STRAP: variants seen among roughly 807,000 people sequenced by gnomAD.
The protein encoded by STRAP is serine/threonine kinase receptor associated protein.
In STRAP, 16 loss-of-function variants were observed where a neutral mutation model predicts 47.0. The observed-to-expected ratio is 0.34, with a 90% CI of 0.23 to 0.52. The LOEUF (loss-of-function observed/expected upper bound fraction) is 0.52. Ranked by LOEUF, STRAP falls within the 20% of genes least tolerant of loss-of-function variation. The pLI is 0.96. For missense variants in STRAP, 293 were observed against 420.0 expected (o/e 0.70, Z 2.64); for synonymous variants, 130 against 142.7 (o/e 0.91, Z 0.63).
rs1948007015 is a variant in STRAP, at chr12:15,890,667, C to T, written c.401C>T (p.Ala134Val). Residue 134 changes from alanine to valine, a missense_variant and splice_region_variant, in exon 4 of 10, where the codon GCA (alanine) becomes GTA (valine). Coordinates refer to ENST00000419869, the MANE Select transcript of STRAP (RefSeq NM_007178.4). The surrounding 1 kb of genome is among the most constrained non-coding windows in gnomAD (Gnocchi z 4.5). The part of the protein sequence containing the change: ...LRIYDLNKPE[A>V]EPKEISGHTS... ...ATATATGACTTGAACAAACCTGAAG[C>T]AGGTAAGCATAATTTAAACATCAGC... The T allele has an allele frequency of 6.2e-7, 1 of 1,605,722 alleles. No individual in the cohort carries two copies. Among genetic ancestry groups the T allele is most frequent in the East Asian group, 2.2e-5 (1 of 44,578 alleles).
intron 4 of STRAP, among the ~76,000 whole-genome samples, chr12:15,893,687 CT>C (rs1948037008): frequency 1.4e-5 from 2 of 147,026 alleles, no homozygotes; most frequent in East Asian, 2.0e-4. Flanking sequence ...TACAATAATG[CT>C]TTTATATTTA....
In STRAP at chr12:15,890,670, G is replaced by A; in HGVS notation, c.403+1G>A. The A allele has an allele frequency of 1.2e-6, 2 of 1,601,748 alleles. No homozygotes were observed. The highest frequency in any genetic ancestry group is 1.7e-6 in the Non-Finnish European group (2 of 1,175,330). ...TATGACTTGAACAAACCTGAAGCAG[G>A]TAAGCATAATTTAAACATCAGCTTC... is the stretch of plus-strand genomic sequence containing the variant. On this transcript the variant is annotated splice_donor_variant, in intron 4 of 9. Transcript: ENST00000419869. LOFTEE classifies it high-confidence loss of function. The surrounding 1 kb of genome is among the most constrained non-coding windows in gnomAD (Gnocchi z 4.5).
intron 1 of STRAP, 36 bp downstream of exon 1, chr12:15,882,855 G>T: frequency 6.3e-7 from 1 of 1,584,692 alleles, no homozygotes. Flanking sequence ...TCGACGGCTG[G>T]GACTGGGCTG....
intron 9 of STRAP, among the ~76,000 whole-genome samples, chr12:15,901,837 G>T (rs774893865): frequency 1.8e-4 from 27 of 147,592 alleles, no homozygotes; most frequent in Admixed American, 4.1e-4. Context: ...CTCCAGCTTG[G>T]GTGTCAGAGA....
intron 4 of STRAP, among the ~76,000 whole-genome samples, chr12:15,893,499 T>A (rs575679747): frequency 3.4e-5 from 5 of 147,102 alleles, no homozygotes; most frequent in African/African-American, 1.2e-4. Flanking sequence ...TTCTTTTTAT[T>A]ATACATATAA....
At position 15,896,620 on chromosome 12, in the gene STRAP, C is replaced by T. The variant is rs1411797545; in HGVS notation, c.638+1124C>T. 6.6e-6 allele frequency among the ~76,000 whole-genome samples: 1 copy of T among 151,836 alleles called. No individual in the cohort carries two copies. The highest frequency in any genetic ancestry group is 1.9e-4 in the East Asian group (1 of 5,170). On this transcript the variant is annotated intron_variant, in intron 6 of 9. Transcript: ENST00000419869. This position sits in a 1 kb window ranked among gnomAD's most constrained non-coding sequence, Gnocchi z 4.1. Reference sequence around the variant, plus strand: ...AAATATTGTTAGCCATTTAAAACTTCTTTGAAAACATTTTTACTTGATACA... The same window carrying T: ...AAATATTGTTAGCCATTTAAAACTTTTTTGAAAACATTTTTACTTGATACA...
In STRAP at chr12:15,882,451, T is replaced by C. The variant is rs1947928615; in HGVS notation, c.-257T>C. 2 of 519,986 alleles carry C rather than the reference T, an allele frequency of 3.8e-6. No homozygotes were observed. The allele number at this position is 519,986 out of a possible 1,614,324, so 32.2% of individuals were successfully genotyped here. On this transcript the variant is annotated 5_prime_UTR_variant, in exon 1 of 10. Transcript: ENST00000419869. ...ATCGTGGCTGGCCCGGTTCTCCGCT[T>C]CTCCCCATCCCCTACTTTCCTCCCT... is the stretch of plus-strand genomic sequence containing the variant.
intron 7 of STRAP, chr12:15,898,387 G>T (rs1023914310): frequency 3.1e-5 from 5 of 162,046 alleles, no homozygotes; most frequent in Non-Finnish European, 6.6e-5. Context: ...GAACTATGTT[G>T]TGGGTGTATA....
intron 2 of STRAP, among the ~76,000 whole-genome samples, chr12:15,884,558 C>T (rs1214039389): frequency 1.3e-5 from 2 of 148,292 alleles, no homozygotes; most frequent in African/African-American, 5.0e-5. Flanking sequence ...ATACTTTTTA[C>T]TACATTTAAA....
At position 15,882,825 on chromosome 12, in the gene STRAP, C is replaced by G. The variant is rs1249688892; in HGVS notation, c.112+6C>G. 6.2e-7 allele frequency: 1 copy of G among 1,609,572 alleles called. No individual in the cohort carries two copies. Among genetic ancestry groups the G allele is most frequent in the African/African-American group, 1.3e-5 (1 of 74,890 alleles). On this transcript the variant is annotated splice_donor_region_variant and intron_variant, in intron 1 of 9. Coordinates refer to ENST00000419869, the MANE Select transcript of STRAP (RefSeq NM_007178.4). ...CTTAATCAGCGCTTGCAAAGGTGAG[C>G]AAGGCCGCAATCCTGGTCCTCGACG...
intron 2 of STRAP, 137 bp from the exon 3 acceptor site, chr12:15,889,791 A>G: frequency 1.6e-6 from 1 of 621,028 alleles, no homozygotes; most frequent in Non-Finnish European, 2.8e-6. Context: ...TATTAGAGAT[A>G]AAGGAGATTT....
rs917707668 is a variant in STRAP, at chr12:15,898,587, A to G, written c.775+569A>G. Among the ~76,000 whole-genome samples the G allele has an allele frequency of 2.0e-5, 3 of 151,350 alleles. 1 individual carries two copies. Among genetic ancestry groups the G allele is most frequent in the South Asian group, 4.1e-4 (2 of 4,822 alleles). On this transcript the variant is annotated intron_variant, in intron 7 of 9. Coordinates refer to ENST00000419869, the MANE Select transcript of STRAP (RefSeq NM_007178.4). ...GAGTTTGAGTTTTGCTTTCATTTTC[A>G]TGATAACAGTCCTTAGTAAGGGAAA...
chr12:15,895,862 GAAAA>G (rs778939065), intron 6 of STRAP, among the ~76,000 whole-genome samples: 4 of 61,716 alleles, frequency 6.5e-5, no homozygotes, highest in African/African-American at 2.4e-4. Context: ...AACCTCCTCT[GAAAA>G]AAAAAAAAAA....
chr12:15,896,194 A>G lies in STRAP; in HGVS notation c.638+698A>G, dbSNP rs1280817979. 6.6e-6 allele frequency among the ~76,000 whole-genome samples: 1 copy of G among 152,168 alleles called. No individual in the cohort carries two copies. Among genetic ancestry groups the G allele is most frequent in the African/African-American group, 2.4e-5 (1 of 41,442 alleles). ...GGTTGTTTTGAGCTGTGGTCACACC[A>G]CTGCATTCCAGCCTGGGTAACAGAG... On this transcript the variant is annotated intron_variant, in intron 6 of 9. Transcript: ENST00000419869. This position sits in a 1 kb window ranked among gnomAD's most constrained non-coding sequence, Gnocchi z 4.1.
chr12:15,902,059 C>T (rs1416106609), intron 9 of STRAP, among the ~76,000 whole-genome samples: 1 of 151,960 alleles, frequency 6.6e-6, no homozygotes, highest in Admixed American at 6.5e-5. Context: ...TCACTGCAGC[C>T]TCCGCCTCTG....
chr12:15,895,951 G>C (rs1298959417), intron 6 of STRAP, among the ~76,000 whole-genome samples: 1 of 151,746 alleles, frequency 6.6e-6, no homozygotes, highest in African/African-American at 2.4e-5. Context: ...GGCTGGGCGT[G>C]GTGGCTCACG....
rs573160559 is a variant in STRAP, at chr12:15,893,245, C to T, written c.404-802C>T. Among the ~76,000 whole-genome samples, 17 of 151,958 alleles carry T rather than the reference C, an allele frequency of 1.1e-4. 1 individual carries two copies. Among genetic ancestry groups the T allele is most frequent in the African/African-American group, 4.1e-4 (17 of 41,468 alleles). ...GGAATTGCTGTCCCACTTTCTATTT[C>T]CCTTTTTTCCTTCCAACCCTTATTT... is the stretch of plus-strand genomic sequence containing the variant. On this transcript the variant is annotated intron_variant, in intron 4 of 9. Coordinates refer to ENST00000419869, the MANE Select transcript of STRAP (RefSeq NM_007178.4).
chr12:15,901,393 T>TACCCC (rs1247708906), intron 9 of STRAP, among the ~76,000 whole-genome samples: 19 of 151,566 alleles, frequency 1.3e-4, no homozygotes, highest in Non-Finnish European at 2.9e-5. Context: ...TGAGAGGGGG[T>TACCCC]GTTGGTAGGG....
At position 15,883,677 on chromosome 12, in the gene STRAP, G is replaced by GT; in HGVS notation, c.248+2dup. 6.2e-7 allele frequency: 1 copy of GT among 1,613,996 alleles called. No individual in the cohort carries two copies. The highest frequency in any genetic ancestry group is 8.5e-7 in the Non-Finnish European group (1 of 1,179,984). On this transcript the variant is annotated splice_donor_variant, in intron 2 of 9. Coordinates refer to ENST00000419869, the MANE Select transcript of STRAP (RefSeq NM_007178.4). LOFTEE classifies it high-confidence loss of function. ...CTACAGCAGCTGCAGATTTCACAGC[G>GT]TAAGTGTAGCCAAGATGGCTAACTT...
Sources: allele counts gnomAD v4.1 joint callset (sites outside exome capture counted in the v4.1 genomes callset), GRCh38; gene constraint gnomAD v4.1.1; non-coding constraint Gnocchi (gnomAD v3.1); transcripts MANE v1.5; gene names NCBI Gene and HGNC (gene_info 2026-07-23, HGNC 2026-07-21).